DIAPH3: variants seen among roughly 807,000 people sequenced by gnomAD.
DIAPH3 encodes protein diaphanous homolog 3.
In DIAPH3, 117 loss-of-function variants were observed where a neutral mutation model predicts 144.3. The observed-to-expected ratio is 0.81, with a 90% CI of 0.70 to 0.95. DIAPH3 has a LOEUF of 0.95. Ranked by LOEUF, DIAPH3 falls within the 40% of genes least tolerant of loss-of-function variation. DIAPH3 has a pLI of 0.00. For missense variants in DIAPH3, 1,421 were observed against 1,412.7 expected (o/e 1.01, Z -0.09); for synonymous variants, 519 against 488.9 (o/e 1.06, Z -0.81).
chr13:59,804,364 C>T (rs1343733469), intron 25 of DIAPH3, among the ~76,000 whole-genome samples: 1 of 152,152 alleles, frequency 6.6e-6, no homozygotes, highest in East Asian at 1.9e-4. Context: ...ATGGTTAAAT[C>T]ATCAGTGGTA....
At chr13:59,763,952 G>A (rs183654465) in intron 27 of DIAPH3, among the ~76,000 whole-genome samples, 5 of 152,024 alleles carry the variant, frequency 3.3e-5, no homozygotes, top group African/African-American at 1.2e-4. Context: ...ACTGTGGGGA[G>A]GAGCAGAGTA....
chr13:60,016,702 C>A (rs981232607), intron 5 of DIAPH3, among the ~76,000 whole-genome samples: 1 of 152,178 alleles, frequency 6.6e-6, no homozygotes, highest in East Asian at 1.9e-4. Flanking sequence ...TACATTCCTA[C>A]AAATGTTAAG....
At position 59,783,541 on chromosome 13, in the gene DIAPH3, C is replaced by T. The variant is rs533220995; in HGVS notation, c.3164-8718G>A. On this transcript the variant is annotated intron_variant, in intron 25 of 27. Transcript: ENST00000400324. ...ATACATTCAACTTAGAAGCATAGGT[C>T]GTACCTGAAACTATGGAAAAGAGTA... Among the ~76,000 whole-genome samples the T allele has an allele frequency of 9.2e-5, 14 of 152,220 alleles. No individual in the cohort carries two copies. The East Asian group carries it at 1.9e-3, about 21-fold the overall frequency.
chr13:59,986,819 G>C (rs983846704), intron 12 of DIAPH3, among the ~76,000 whole-genome samples: 56 of 150,340 alleles, frequency 3.7e-4, no homozygotes, highest in East Asian at 5.9e-4. Context: ...AAAAAGTCAG[G>C]AAACAACAGG....
At position 59,932,846 on chromosome 13, in the gene DIAPH3, C is replaced by T. The variant is rs1166735290; in HGVS notation, c.2075-7976G>A. On this transcript the variant is annotated intron_variant, in intron 17 of 27. Coordinates refer to ENST00000400324, the MANE Select transcript of DIAPH3 (RefSeq NM_001042517.2). ...AGAGAAAACAACAGAAATTTTAAAA[C>T]CAAAAGAGAAATACTTTTTTGTTGA... Among the ~76,000 whole-genome samples, 3 of 152,184 alleles carry T rather than the reference C, an allele frequency of 2.0e-5. No homozygotes were observed. The East Asian group carries it at 5.8e-4, about 29-fold the overall frequency.
chr13:60,063,391 T>A (rs1453748715), intron 4 of DIAPH3, among the ~76,000 whole-genome samples: 1 of 152,130 alleles, frequency 6.6e-6, no homozygotes, highest in Admixed American at 6.6e-5. Flanking sequence ...TCAATGAGGG[T>A]TGAAGTCAAC....
At chr13:60,033,715 AC>A (rs1486914760) in intron 5 of DIAPH3, among the ~76,000 whole-genome samples, 1 of 152,208 alleles carries the variant, frequency 6.6e-6, no homozygotes, top group Non-Finnish European at 1.5e-5. Context: ...TTACAATTCA[AC>A]AGGAGATCTG....
intron 22 of DIAPH3, 178 bp downstream of exon 22, chr13:59,861,229 T>A: frequency 6.7e-7 from 1 of 1,498,848 alleles, no homozygotes; most frequent in East Asian, 2.5e-5. Context: ...CAAATTAAAC[T>A]CATAGCTCCA....
At chr13:59,726,833 A>G (rs2035623194) in intron 27 of DIAPH3, among the ~76,000 whole-genome samples, 1 of 152,230 alleles carries the variant, frequency 6.6e-6, no homozygotes, top group Admixed American at 6.5e-5. Context: ...AGGAACAAAG[A>G]TGTAAATACA....
At chr13:59,836,881 G>T (rs1471252466) in intron 23 of DIAPH3, among the ~76,000 whole-genome samples, 1 of 151,874 alleles carries the variant, frequency 6.6e-6, no homozygotes, top group Non-Finnish European at 1.5e-5. Flanking sequence ...TATTCATTGT[G>T]CATTTTAGCT....
intron 1 of DIAPH3, among the ~76,000 whole-genome samples, chr13:60,158,186 T>G (rs2138458859): frequency 6.6e-6 from 1 of 152,342 alleles, no homozygotes; most frequent in South Asian, 2.1e-4. Context: ...TTTTAATAGT[T>G]GCTTTTTATA....
At chr13:59,725,636 C>T (rs1483719275) in intron 27 of DIAPH3, among the ~76,000 whole-genome samples, 1 of 152,140 alleles carries the variant, frequency 6.6e-6, no homozygotes, top group Non-Finnish European at 1.5e-5. Context: ...GGCTTGAAAA[C>T]AGATTCTGTG....
chr13:59,793,320 C>A (rs1376937539), intron 25 of DIAPH3, among the ~76,000 whole-genome samples: 1 of 152,172 alleles, frequency 6.6e-6, no homozygotes, highest in Admixed American at 6.5e-5. Context: ...TCTCATTCCT[C>A]CCAGTCTGCA....
intron 5 of DIAPH3, among the ~76,000 whole-genome samples, chr13:60,038,246 T>C (rs548715294): frequency 6.6e-6 from 1 of 152,274 alleles, no homozygotes; most frequent in African/African-American, 2.4e-5. Flanking sequence ...TATATTGTTA[T>C]GACAAATTGT....
chr13:59,870,038 G>C (rs537109430), intron 21 of DIAPH3, among the ~76,000 whole-genome samples: 1 of 151,804 alleles, frequency 6.6e-6, no homozygotes, highest in Non-Finnish European at 1.5e-5. Context: ...TATCTAAAAC[G>C]TCATAATAAA....
At chr13:60,029,161 TA>T (rs58066157) in intron 5 of DIAPH3, among the ~76,000 whole-genome samples, 83,724 of 150,294 alleles carry the variant, frequency 0.56, 23,775 homozygotes, top group Admixed American at 0.61. Flanking sequence ...TTTGCTCAAG[TA>T]AAAAAAAAAA....
chr13:60,067,262 G>A (rs1280573079), intron 4 of DIAPH3, among the ~76,000 whole-genome samples: 3 of 151,796 alleles, frequency 2.0e-5, no homozygotes, highest in African/African-American at 7.3e-5. Context: ...TCCAGCCTGA[G>A]CGACAGTGTG....
At chr13:59,694,217 C>T (rs921363500) in intron 27 of DIAPH3, among the ~76,000 whole-genome samples, 1 of 152,050 alleles carries the variant, frequency 6.6e-6, no homozygotes, top group Non-Finnish European at 1.5e-5. Context: ...CTGGTAAAAA[C>T]TCAGATAATT....
intron 22 of DIAPH3, among the ~76,000 whole-genome samples, chr13:59,852,413 A>G (rs2043028074): frequency 6.6e-6 from 1 of 152,342 alleles, no homozygotes; most frequent in African/African-American, 2.4e-5. Flanking sequence ...AAATTCATGC[A>G]TCACCTCCAG....
Sources: allele counts gnomAD v4.1 joint callset (sites outside exome capture counted in the v4.1 genomes callset), GRCh38; gene constraint gnomAD v4.1.1; transcripts MANE v1.5; gene names NCBI Gene and HGNC (gene_info 2026-07-23, HGNC 2026-07-21).